Variants in CALCA observed in about 807,000 individuals in gnomAD.
The protein encoded by CALCA is calcitonin related polypeptide alpha.
CALCA carries 4 observed loss-of-function variants against 6.9 expected under a neutral mutation model. The ratio of observed to expected loss-of-function variants is 0.58; its 90% CI spans 0.29 to 1.33. The LOEUF (loss-of-function observed/expected upper bound fraction) is 1.33, where lower values mean the gene tolerates loss of function less well. CALCA is among the 40% of genes most tolerant of loss of function. CALCA has a pLI of 0.09. For synonymous variants in CALCA, 78 were observed against 70.0 expected, an observed-to-expected ratio of 1.11 and a Z score of -0.57; for missense variants, 174 against 178.3, an observed-to-expected ratio of 0.98 and a Z score of 0.14.
downstream of CALCA, chr11:14,967,778 CT>C (rs1555025660): frequency 1.9e-6 from 3 of 1,614,254 alleles, no homozygotes; most frequent in Admixed American, 1.7e-5. Flanking sequence ...ACCACACCCC[CT>C]GATCTGCTCA....
downstream of CALCA, chr11:14,967,844 G>A: frequency 6.2e-7 from 1 of 1,614,210 alleles, no homozygotes; most frequent in Non-Finnish European, 8.5e-7. Flanking sequence ...GCTCTCTTCT[G>A]GGCAATGATT....
rs373703879 is a variant in CALCA at position 14,970,081 on chromosome 11, G to T, written c.87-6C>A. ...GGCTGCTCTCCAGGGCAGACCTGTGGAGGGGAAGCAAACTCAGTGCAGGCT... is the reference window on the plus strand; with the variant it reads ...GGCTGCTCTCCAGGGCAGACCTGTGTAGGGGAAGCAAACTCAGTGCAGGCT... On this transcript the variant is annotated splice_region_variant and splice_polypyrimidine_tract_variant and intron_variant, in intron 2 of 3. Transcript: ENST00000331587. 2.5e-5 allele frequency: 40 copies of T among 1,614,064 alleles called. No homozygotes were observed. In the African/African-American group the frequency reaches 4.9e-4, roughly 20 times the overall value.
chr11:14,971,447 G>GC (rs1849603347), intron 1 of CALCA, among the ~76,000 whole-genome samples: 1 of 152,166 alleles, frequency 6.6e-6, no homozygotes, highest in Non-Finnish European at 1.5e-5. Flanking sequence ...GGAGAGCTGA[G>GC]TGGGGGAGGT....
chr11:14,967,796 C>A, downstream of CALCA: 1 of 1,614,200 alleles, frequency 6.2e-7, no homozygotes, highest in Non-Finnish European at 8.5e-7. Flanking sequence ...CTCAGCAAGC[C>A]TGCCAGCCGA....
At chr11:14,969,127 C>T in intron 3 of CALCA, 130 bp from the exon 4 acceptor site, 1 of 799,608 alleles carries the variant, frequency 1.3e-6, no homozygotes, top group South Asian at 1.4e-5. Flanking sequence ...GCTCACTTAT[C>T]TATCCTTCAT....
At chr11:14,968,315 T>C, downstream of CALCA, 1 of 439,282 alleles carries the variant, frequency 2.3e-6, no homozygotes, top group African/African-American at 2.1e-5. Context: ...GTTTGCAGCA[T>C]CAAGTCCTAG....
chr11:14,969,159 T>C (rs1849530076), intron 3 of CALCA, among the ~76,000 whole-genome samples, 162 bp from the exon 4 acceptor site: 1 of 152,104 alleles, frequency 6.6e-6, no homozygotes, highest in South Asian at 2.1e-4. Context: ...AGAGGTGCAG[T>C]GGGCTAGGGC....
chr11:14,972,056 C>T (rs150112393), intron 1 of CALCA, among the ~76,000 whole-genome samples, 189 bp downstream of exon 1: 3 of 152,258 alleles, frequency 2.0e-5, no homozygotes, highest in African/African-American at 4.8e-5. Context: ...GCAGGAAGAG[C>T]GAGCCGGGGG....
chr11:14,972,015 G>C lies in CALCA; in HGVS notation c.-10+230C>G, dbSNP rs544499281. 1.3e-4 allele frequency among the ~76,000 whole-genome samples: 20 copies of C among 152,330 alleles called. No homozygotes were observed. In the South Asian group the frequency reaches 3.7e-3, roughly 28 times the overall value. The stretch of plus-strand genomic sequence containing the variant: ...AGACTGGCCTAAGCCTGTGTGCAGT[G>C]CGAGAGAGTAAGACTGGAGTCCGCA... On this transcript the variant is annotated intron_variant, in intron 1 of 3. Transcript: ENST00000331587.
At chr11:14,967,970 T>G, downstream of CALCA, 1 of 1,198,034 alleles carries the variant, frequency 8.3e-7, no homozygotes, top group East Asian at 2.4e-5. Context: ...CAATTAACTT[T>G]AAGTGTTTCT....
intron 1 of CALCA, among the ~76,000 whole-genome samples, chr11:14,971,696 C>A (rs1413880323): frequency 1.3e-5 from 2 of 152,206 alleles, no homozygotes; most frequent in African/African-American, 2.4e-5. Flanking sequence ...TAGTGCTCAG[C>A]CTAAGCTCCG....
Position 14,972,327 on chromosome 11 carries a change from A to C in CALCA, c.-92T>G, listed in dbSNP as rs2133588392. The C allele has an allele frequency of 3.3e-5, 5 of 153,742 alleles. No homozygotes were observed. In the South Asian group the frequency reaches 8.9e-4, roughly 27 times the overall value. The allele number at this position is 153,742 out of a possible 1,614,324, so 9.5% of individuals were successfully genotyped here. ...AGAGCCCTGTGGAAGCGGCGGCGAC[A>C]CTTGGGCTGGGCAGTGTCTCTGATG... On this transcript the variant is annotated 5_prime_UTR_variant, in exon 1 of 4. Transcript: ENST00000331587.
intron 2 of CALCA, 53 bp from the exon 3 acceptor site, chr11:14,970,128 C>T: frequency 1.2e-6 from 2 of 1,606,650 alleles, no homozygotes. Flanking sequence ...CCTGCCCCTC[C>T]CCAGGATAAG....
rs1555025833 is a variant in CALCA at position 14,968,831 on chromosome 11, G to T, written c.394C>A (p.Pro132Thr). The T allele has an allele frequency of 6.2e-7, 1 of 1,614,164 alleles. No individual in the cohort carries two copies. Among genetic ancestry groups the T allele is most frequent in the South Asian group, 1.1e-5 (1 of 91,082 alleles). The change falls in exon 4 of 4, where the codon CCT (proline) becomes ACT (threonine). Residue 132 changes from proline to threonine, a missense_variant. Coordinates refer to ENST00000331587, the MANE Select transcript of CALCA (RefSeq NM_001741.3). Reference protein sequence around the residue: ...MSSDLERDHRPHVSMPQNAN With the variant: ...MSSDLERDHRTHVSMPQNAN ...GCATTCTGGGGCATGCTAACATGAGGGCGATGGTCTCTCTCCAAGTCGCTG... is the reference window on the plus strand; with the variant it reads ...GCATTCTGGGGCATGCTAACATGAGTGCGATGGTCTCTCTCCAAGTCGCTG...
At position 14,968,616 on chromosome 11, in the gene CALCA, C is replaced by G; in HGVS notation, c.*183G>C. The G allele has an allele frequency of 6.6e-7, 1 of 1,516,948 alleles. No individual in the cohort carries two copies. Among genetic ancestry groups the G allele is most frequent in the Non-Finnish European group, 8.8e-7 (1 of 1,134,318 alleles). 94.0% of individuals were successfully genotyped at this position (1,516,948 alleles called of 1,614,324 possible). On this transcript the variant is annotated 3_prime_UTR_variant, in exon 4 of 4. Transcript: ENST00000331587. ...CGGCCCTCATTTTCTGGTATTTTCC[C>G]AGGTGATTCTCTTCCAACCTGTGAG...
At chr11:14,967,264 T>G (rs570039297), downstream of CALCA, among the ~76,000 whole-genome samples, 1 of 152,236 alleles carries the variant, frequency 6.6e-6, no homozygotes, top group Non-Finnish European at 1.5e-5. Flanking sequence ...TTAAGTAACC[T>G]GTTCATGGTC....
At position 14,968,794 on chromosome 11, in the gene CALCA, G is replaced by C; in HGVS notation, c.*5C>G. The C allele has an allele frequency of 6.2e-7, 1 of 1,614,176 alleles. No homozygotes were observed. The highest frequency in any genetic ancestry group is 8.5e-7 in the Non-Finnish European group (1 of 1,180,032). ...GAAGGGAAATTAGGAAGGAAAGGGA[G>C]GAGTTTAGTTGGCATTCTGGGGCAT... On this transcript the variant is annotated 3_prime_UTR_variant, in exon 4 of 4. Transcript: ENST00000331587.
chr11:14,971,073 A>T, intron 2 of CALCA, 34 bp downstream of exon 2: 1 of 1,568,940 alleles, frequency 6.4e-7, no homozygotes, highest in East Asian at 2.2e-5. Flanking sequence ...GAATTGTCTG[A>T]TACCAGTGTG....
rs779104828 is a variant in CALCA at position 14,969,034 on chromosome 11, C to A, written c.228-37G>T. 2.6e-5 allele frequency: 42 copies of A among 1,592,426 alleles called. 1 individual carries two copies. Among genetic ancestry groups the A allele is most frequent in the Non-Finnish European group, 3.6e-5 (42 of 1,161,802 alleles). The stretch of plus-strand genomic sequence containing the variant: ...ACACATACCAGACAGTACCATGCAC[C>A]AGAATCTGTCCCCATGGGCAGTCAC... On this transcript the variant is annotated intron_variant, in intron 3 of 3. Transcript: ENST00000331587.
Sources: allele counts gnomAD v4.1 joint callset (sites outside exome capture counted in the v4.1 genomes callset), GRCh38; gene constraint gnomAD v4.1.1; transcripts MANE v1.5; gene names NCBI Gene and HGNC (gene_info 2026-07-23, HGNC 2026-07-21).